Variants in TUSC7 observed in about 807,000 individuals in gnomAD.
TUSC7 encodes tumor suppressor candidate 7.
chr3:116,713,811 C>T (rs1576301764), intron 1 of TUSC7, among the ~76,000 whole-genome samples: 1 of 152,004 alleles, frequency 6.6e-6, no homozygotes, highest in Admixed American at 6.6e-5. Context: ...AGTAAATATA[C>T]AAAAATGAGC....
At chr3:116,713,832 G>T (rs2051483139) in intron 1 of TUSC7, among the ~76,000 whole-genome samples, 1 of 152,102 alleles carries the variant, frequency 6.6e-6, no homozygotes, top group African/African-American at 2.4e-5. Flanking sequence ...CGGGCATGGT[G>T]GTGCATACCC....
At chr3:116,710,939 A>G (rs572515273) in intron 1 of TUSC7, among the ~76,000 whole-genome samples, 1 of 152,242 alleles carries the variant, frequency 6.6e-6, no homozygotes, top group African/African-American at 2.4e-5. Context: ...CTGCATTAAC[A>G]AAGAGTGCTT....
intron 1 of TUSC7, chr3:116,712,834 G>A (rs1287042243): frequency 6.6e-6 from 1 of 152,116 alleles, no homozygotes; most frequent in Non-Finnish European, 1.5e-5. Flanking sequence ...GTTACAATCA[G>A]TGTTGACCTG....
intron 1 of TUSC7, among the ~76,000 whole-genome samples, chr3:116,715,141 C>T (rs1174082834): frequency 1.3e-5 from 2 of 152,190 alleles, no homozygotes; most frequent in South Asian, 2.1e-4. Flanking sequence ...AAGATTTCTC[C>T]ATGCATTTTC....
chr3:116,717,005 C>T (rs1459343861), intron 1 of TUSC7: 1 of 152,022 alleles, frequency 6.6e-6, no homozygotes, highest in African/African-American at 2.4e-5. Flanking sequence ...TGTGGAAAAC[C>T]TTCAAATAAA....
At chr3:116,716,379 G>A (rs550858615) in intron 1 of TUSC7, 1 of 152,230 alleles carries the variant, frequency 6.6e-6, no homozygotes, top group East Asian at 1.9e-4. Flanking sequence ...AGTTTGGGGA[G>A]GTGGAGGAGG....
chr3:116,713,395 A>C (rs2051478671), intron 1 of TUSC7, among the ~76,000 whole-genome samples: 1 of 152,176 alleles, frequency 6.6e-6, no homozygotes, highest in African/African-American at 2.4e-5. Context: ...ACTTAATATA[A>C]TATACCATCC....
chr3:116,713,343 A>C (rs1275531446), intron 1 of TUSC7, among the ~76,000 whole-genome samples: 1 of 152,206 alleles, frequency 6.6e-6, no homozygotes, highest in Non-Finnish European at 1.5e-5. Context: ...AACTGTTAAC[A>C]GCAGCCCTAA....
chr3:116,715,980 C>T (rs1200775265), intron 1 of TUSC7, among the ~76,000 whole-genome samples: 1 of 152,132 alleles, frequency 6.6e-6, no homozygotes, highest in East Asian at 1.9e-4. Context: ...CATGCCCTTA[C>T]AACAATCCTA....
chr3:116,716,395 T>C (rs1342321002), intron 1 of TUSC7: 2 of 152,126 alleles, frequency 1.3e-5, no homozygotes, highest in Non-Finnish European at 2.9e-5. Context: ...GGAGGGACTA[T>C]CTAGACTCAG....
chr3:116,715,773 G>A (rs2051500191), intron 1 of TUSC7, among the ~76,000 whole-genome samples: 1 of 151,964 alleles, frequency 6.6e-6, no homozygotes, highest in Non-Finnish European at 1.5e-5. Context: ...TGTGCCTTAT[G>A]TTCTTATTCT....
intron 1 of TUSC7, among the ~76,000 whole-genome samples, chr3:116,711,965 C>T (rs976979465): frequency 1.3e-5 from 2 of 152,106 alleles, no homozygotes; most frequent in African/African-American, 4.8e-5. Context: ...CAGAATTTAT[C>T]CTTTTTTGTG....
intron 1 of TUSC7, chr3:116,716,282 TTAAG>T (rs1173332610): frequency 6.6e-6 from 1 of 152,180 alleles, no homozygotes; most frequent in East Asian, 1.9e-4. Flanking sequence ...CAAGAAATTG[TTAAG>T]TTTTGGCCCA....
chr3:116,712,175 C>A (rs1013392917), intron 1 of TUSC7, among the ~76,000 whole-genome samples: 2 of 152,182 alleles, frequency 1.3e-5, no homozygotes, highest in African/African-American at 2.4e-5. Flanking sequence ...GCATTATGCT[C>A]CTGTGTTTTC....
At chr3:116,711,226 G>T (rs1197744268) in intron 1 of TUSC7, among the ~76,000 whole-genome samples, 2 of 152,088 alleles carry the variant, frequency 1.3e-5, no homozygotes, top group Non-Finnish European at 2.9e-5. Flanking sequence ...AGAAGTAAGG[G>T]CATGCAGATT....
chr3:116,715,499 G>A (rs928975250), intron 1 of TUSC7, among the ~76,000 whole-genome samples: 6 of 152,110 alleles, frequency 3.9e-5, no homozygotes, highest in Non-Finnish European at 7.4e-5. Flanking sequence ...TATTACCTGT[G>A]TTCAGGATTT....
chr3:116,716,456 A>G (rs757495741), intron 1 of TUSC7: 12 of 152,166 alleles, frequency 7.9e-5, no homozygotes, highest in Non-Finnish European at 1.5e-4. Flanking sequence ...CTGAACTTCA[A>G]AAAACAATCT....
At chr3:116,711,921 C>T (rs191774536) in intron 1 of TUSC7, among the ~76,000 whole-genome samples, 8 of 152,176 alleles carry the variant, frequency 5.3e-5, no homozygotes, top group African/African-American at 1.7e-4. Flanking sequence ...AACCTAAAAA[C>T]CTTTGATGGA....
At chr3:116,714,423 G>A (rs956180197) in intron 1 of TUSC7, among the ~76,000 whole-genome samples, 3 of 152,146 alleles carry the variant, frequency 2.0e-5, no homozygotes, top group African/African-American at 7.2e-5. Context: ...GCAAGTTTTT[G>A]AGCATATAAG....
Sources: allele counts gnomAD v4.1 joint callset (sites outside exome capture counted in the v4.1 genomes callset), GRCh38; gene constraint gnomAD v4.1.1; transcripts MANE v1.5; gene names NCBI Gene and HGNC (gene_info 2026-07-23, HGNC 2026-07-21).